Variants in THOP1 observed in about 807,000 individuals in gnomAD.
THOP1 encodes thimet oligopeptidase.
A neutral mutation model predicts 71.8 loss-of-function variants in THOP1; 49 were observed. The ratio of observed to expected loss-of-function variants is 0.68; its 90% CI spans 0.54 to 0.87. The LOEUF (loss-of-function observed/expected upper bound fraction) is 0.87, where lower values mean the gene tolerates loss of function less well. THOP1 is among the 40% of genes least tolerant of loss of function. The pLI is 0.00. For missense variants in THOP1, 843 were observed against 975.6 expected (o/e 0.86, Z 1.81); for synonymous variants, 426 against 421.5 (o/e 1.01, Z -0.13).
In THOP1 at chr19:2,811,571, G is replaced by A. The variant is rs201498081; in HGVS notation, c.1772-27G>A. On this transcript the variant is annotated intron_variant, in intron 11 of 12. Transcript: ENST00000307741. ...AGGAGCATGGGGTGGGGGCTACAGC[G>A]TGAACCCTGCCATGTGTCCGCCCCA... is the stretch of plus-strand genomic sequence containing the variant. The A allele has an allele frequency of 3.8e-5, 61 of 1,605,794 alleles. No individual in the cohort carries two copies. In the Middle Eastern group the frequency reaches 6.6e-4, roughly 17 times the overall value.
chr19:2,802,429 A>C (rs1482208596), intron 5 of THOP1, among the ~76,000 whole-genome samples: 3 of 44,378 alleles, frequency 6.8e-5, no homozygotes, highest in African/African-American at 9.2e-5. Context: ...CGACACCCCC[A>C]CCTCCCAACA....
intron 2 of THOP1, among the ~76,000 whole-genome samples, chr19:2,794,282 T>C (rs1915957344): frequency 6.6e-6 from 1 of 152,150 alleles, no homozygotes; most frequent in Non-Finnish European, 1.5e-5. Context: ...CCCAAAGGGC[T>C]GGGATTACAG....
chr19:2,808,407 A>G lies in THOP1; in HGVS notation c.1418A>G (p.His473Arg), dbSNP rs1235500618. ...LQHDEVETYF[H>R]EFGHVMHQLC... ...CATGACGAGGTGGAGACCTACTTCC[A>G]TGAGTTTGGCCACGTGATGCACCAG... Residue 473 changes from histidine (H) to arginine (R), a missense_variant, in exon 9 of 13, where the codon CAT (histidine) becomes CGT (arginine). His to Arg is a conservative substitution (Grantham distance 29, BLOSUM62 0). Coordinates refer to ENST00000307741, the MANE Select transcript of THOP1 (RefSeq NM_003249.5). 2 of 1,610,212 alleles carry G rather than the reference A, an allele frequency of 1.2e-6. No homozygotes were observed. Among genetic ancestry groups the G allele is most frequent in the South Asian group, 1.1e-5 (1 of 90,946 alleles).
rs189255066 is a variant in THOP1 at position 2,795,952 on chromosome 19, A to T, written c.379-129A>T. ...AGACAGGTCGTCATTTCTCTGAGAT[A>T]AATGCCCAGGAGTGCAGTTGCCAAG... On this transcript the variant is annotated intron_variant, in intron 3 of 12. Transcript: ENST00000307741. 664 of 646,772 alleles carry T rather than the reference A, an allele frequency of 1.0e-3. 1 individual carries two copies. Among genetic ancestry groups the T allele is most frequent in the Non-Finnish European group, 1.6e-3 (598 of 363,696 alleles). The allele number at this position is 646,772 out of a possible 1,614,324, so 40.1% of individuals were successfully genotyped here.
intron 3 of THOP1, 61 bp from the exon 4 acceptor site, chr19:2,796,020 A>G (rs1255682631): frequency 7.2e-7 from 1 of 1,390,294 alleles, no homozygotes; most frequent in Admixed American, 1.8e-5. Flanking sequence ...AAACTGCCAA[A>G]CTGCTCTTTG....
intron 1 of THOP1, among the ~76,000 whole-genome samples, chr19:2,786,764 A>G (rs1164062588): frequency 2.8e-5 from 2 of 72,536 alleles, no homozygotes; most frequent in South Asian, 5.1e-4. Flanking sequence ...ACACCTGGCT[A>G]ATTTTTTTTT....
intron 4 of THOP1, 73 bp downstream of exon 4, chr19:2,796,261 C>T: frequency 1.6e-6 from 2 of 1,260,368 alleles, no homozygotes; most frequent in Non-Finnish European, 2.3e-6. Flanking sequence ...ACAGGGAGTG[C>T]TCAGTCCCAG....
At chr19:2,791,898 G>A (rs188041578) in intron 2 of THOP1, among the ~76,000 whole-genome samples, 50 of 152,326 alleles carry the variant, frequency 3.3e-4, no homozygotes, top group East Asian at 9.6e-4. Context: ...GCCCTGCACC[G>A]TCTGTGCCTG....
chr19:2,806,661 C>T, intron 6 of THOP1: 1 of 544,832 alleles, frequency 1.8e-6, no homozygotes, highest in Non-Finnish European at 3.1e-6. Context: ...CCTCGGACAG[C>T]CCCTGGTCCC....
chr19:2,790,969 G>A (rs1915863801), intron 2 of THOP1, among the ~76,000 whole-genome samples: 1 of 152,222 alleles, frequency 6.6e-6, no homozygotes, highest in Admixed American at 6.5e-5. Flanking sequence ...TGTCTAAACA[G>A]CACGCCTCTC....
intron 8 of THOP1, 66 bp from the exon 9 acceptor site, chr19:2,808,177 T>C (rs1916359118): frequency 1.3e-6 from 2 of 1,502,074 alleles, no homozygotes; most frequent in African/African-American, 1.4e-5. Context: ...GGCTGAGGGA[T>C]GCGGAGTCAG....
chr19:2,797,990 G>A (rs979873671), intron 4 of THOP1, among the ~76,000 whole-genome samples: 10 of 152,280 alleles, frequency 6.6e-5, no homozygotes, highest in Admixed American at 2.0e-4. Flanking sequence ...CAGCTCAGCC[G>A]CAGCGGACAA....
chr19:2,797,607 G>A (rs1472244727), intron 4 of THOP1, among the ~76,000 whole-genome samples: 1 of 152,244 alleles, frequency 6.6e-6, no homozygotes, highest in African/African-American at 2.4e-5. Flanking sequence ...CAGAATGTGG[G>A]CTGCTGTGAG....
At position 2,813,447 on chromosome 19, in the gene THOP1, G is replaced by A. The variant is rs1916538907; in HGVS notation, c.*171G>A. 1.2e-6 allele frequency: 1 copy of A among 825,514 alleles called. No homozygotes were observed. Among genetic ancestry groups the A allele is most frequent in the Non-Finnish European group, 1.8e-6 (1 of 553,704 alleles). 51.1% of individuals were successfully genotyped at this position (825,514 alleles called of 1,614,324 possible). On this transcript the variant is annotated 3_prime_UTR_variant, in exon 13 of 13. Transcript: ENST00000307741. Reference sequence around the variant, plus strand: ...TCCCCACCCGGTCGTGGCCCACCCGGCTAGAGACGGCGTCCTCAAGGCATC... The same window carrying A: ...TCCCCACCCGGTCGTGGCCCACCCGACTAGAGACGGCGTCCTCAAGGCATC...
At chr19:2,795,905 C>T (rs958868062) in intron 3 of THOP1, 176 bp from the exon 4 acceptor site, 23 of 543,770 alleles carry the variant, frequency 4.2e-5, no homozygotes, top group East Asian at 6.5e-5. Context: ...ACAAAGCGAA[C>T]GTTTGCACAG....
At chr19:2,788,478 A>T (rs1173747478) in intron 1 of THOP1, among the ~76,000 whole-genome samples, 1 of 152,162 alleles carries the variant, frequency 6.6e-6, no homozygotes, top group Non-Finnish European at 1.5e-5. Flanking sequence ...GGCAAACTCC[A>T]GCCTGCCTAT....
chr19:2,804,690 G>T lies in THOP1; in HGVS notation c.590-326G>T. The T allele has an allele frequency of 8.7e-6, 2 of 230,342 alleles. No individual in the cohort carries two copies. The highest frequency in any genetic ancestry group is 1.7e-5 in the Non-Finnish European group (2 of 118,830). 14.3% of individuals were successfully genotyped at this position (230,342 alleles called of 1,614,324 possible). On this transcript the variant is annotated intron_variant, in intron 5 of 12. Coordinates refer to ENST00000307741, the MANE Select transcript of THOP1 (RefSeq NM_003249.5). The surrounding 1 kb of genome is among the most constrained non-coding windows in gnomAD (Gnocchi z 4.7). ...GGCGCCCTGGAAGCCCACGATGTCC[G>T]GGGGTTGGGCTGGATTTAGCTTTAA...
chr19:2,808,755 C>T (rs1007880067), intron 9 of THOP1, among the ~76,000 whole-genome samples: 1 of 152,234 alleles, frequency 6.6e-6, no homozygotes, highest in South Asian at 2.1e-4. Context: ...GTGGCCGCCA[C>T]CACCTCCCCG....
intron 9 of THOP1, among the ~76,000 whole-genome samples, chr19:2,808,846 G>A (rs878988585): frequency 9.2e-5 from 14 of 152,162 alleles, no homozygotes; most frequent in Admixed American, 5.9e-4. Context: ...ATCAGGGCCC[G>A]CCCAACAACC....
Sources: gnomAD v4.1 joint callset for allele counts (sites outside exome capture counted in the v4.1 genomes callset) on GRCh38, gnomAD v4.1.1 for gene constraint, Gnocchi (gnomAD v3.1) non-coding constraint, MANE v1.5 for transcripts, NCBI Gene and HGNC (gene_info 2026-07-23, HGNC 2026-07-21) for gene names.